The following MATN2 variants were observed in gnomAD, a reference collection of about 807,000 sequenced individuals.
MATN2 encodes matrilin 2, also known as matrilin-2.
MATN2 carries 69 observed loss-of-function variants against 103.2 expected under a neutral mutation model. The ratio of observed to expected loss-of-function variants is 0.67; its 90% confidence interval spans 0.55 to 0.82. The LOEUF is 0.82. MATN2 is among the 40% of genes least tolerant of loss of function. The pLI is 0.00. For synonymous variants in MATN2, 429 were observed against 450.2 expected (o/e 0.95, Z 0.60); for missense variants, 1,023 against 1,211.5 (o/e 0.84, Z 2.31).
intron 6 of MATN2, among the ~76,000 whole-genome samples, chr8:97,988,867 A>G (rs1387539387): frequency 6.6e-6 from 1 of 152,214 alleles, no homozygotes; most frequent in African/African-American, 2.4e-5. Flanking sequence ...CTGATACCCA[A>G]ACCAGAAAAG....
intron 8 of MATN2, 72 bp downstream of exon 8, chr8:98,003,855 C>A: frequency 6.3e-7 from 1 of 1,585,092 alleles, no homozygotes; most frequent in South Asian, 1.1e-5. Context: ...GGTTCACTAG[C>A]AACCAGTTAT....
chr8:97,994,607 G>A lies in MATN2; in HGVS notation c.1204+5G>A, dbSNP rs771464723. 3 of 1,608,962 alleles carry A rather than the reference G, an allele frequency of 1.9e-6. No homozygotes were observed. The highest frequency in any genetic ancestry group is 2.2e-5 in the South Asian group (2 of 89,672). On this transcript the variant is annotated splice_donor_5th_base_variant and intron_variant, in intron 7 of 18. Coordinates refer to ENST00000254898, the MANE Select transcript of MATN2 (RefSeq NM_002380.5). ...CAGATAAGAAAACCTGCAGAAGTAA[G>A]TTACAGTGGGAGTTGGAGAAGGGCT...
At chr8:98,033,232 C>A in intron 17 of MATN2, 56 bp downstream of exon 17, 2 of 1,460,072 alleles carry the variant, frequency 1.4e-6, no homozygotes, top group Non-Finnish European at 1.8e-6. Context: ...TTTCGGCTTG[C>A]CAACAACCTT....
At chr8:97,876,460 A>C (rs1020573707) in intron 1 of MATN2, among the ~76,000 whole-genome samples, 1 of 152,054 alleles carries the variant, frequency 6.6e-6, no homozygotes, top group Admixed American at 6.6e-5. Flanking sequence ...AAGTGCTGGG[A>C]TTACAAGCAT....
chr8:97,931,862 C>T lies in MATN2; in HGVS notation c.712+340C>T, dbSNP rs764117788. Among the ~76,000 whole-genome samples, 2 of 152,148 alleles carry T rather than the reference C, an allele frequency of 1.3e-5. No individual in the cohort carries two copies. Among genetic ancestry groups the T allele is most frequent in the African/African-American group, 4.8e-5 (2 of 41,438 alleles). On this transcript the variant is annotated intron_variant, in intron 3 of 18. Transcript: ENST00000254898. This position sits in a 1 kb window ranked among gnomAD's most constrained non-coding sequence, Gnocchi z 4.1. ...GGACTACAGGTGTGCACCACCATGC[C>T]TGGCTTATTTTTTAACTATTTGTAG...
chr8:97,931,123 G>A lies in MATN2; in HGVS notation c.313G>A (p.Val105Ile). ...GGGCCTGCTCCAATATGGCAGCACT[G>A]TCAAGAATGAGTTCTCCCTCAAGAC... ...RVGLLQYGSTVKNEFSLKTFK... is the reference protein window; with the variant it reads ...RVGLLQYGSTIKNEFSLKTFK... The change falls in exon 3 of 19, where the codon GTC becomes ATC. Residue 105 changes from valine (V) to isoleucine (I), a missense_variant. By Grantham distance (29) the Val-to-Ile change is conservative. Transcript: ENST00000254898. The surrounding 1 kb of genome is among the most constrained non-coding windows in gnomAD (Gnocchi z 4.1). The A allele has an allele frequency of 6.2e-7, 1 of 1,614,048 alleles. No homozygotes were observed. Among genetic ancestry groups the A allele is most frequent in the Non-Finnish European group, 8.5e-7 (1 of 1,179,894 alleles).
At chr8:97,941,177 AAAAAAAAAGAAAG>A (rs1810547766) in intron 3 of MATN2, among the ~76,000 whole-genome samples, 1 of 147,912 alleles carries the variant, frequency 6.8e-6, no homozygotes, top group Non-Finnish European at 1.5e-5. Context: ...AAAAAAAAAA[AAAAAAAAAGAAAG>A]AAAGAAAGAA....
rs1027832538 is a variant in MATN2 at position 97,982,033 on chromosome 8, A to G, written c.1081+3025A>G. ...CAAGATCCAGAAGTGGGCCGCCCCA[A>G]TGCGTGTGCAGGGAAGAGTGCTGGG... is the stretch of plus-strand genomic sequence containing the variant. On this transcript the variant is annotated intron_variant, in intron 6 of 18. Coordinates refer to ENST00000254898, the MANE Select transcript of MATN2 (RefSeq NM_002380.5). The surrounding 1 kb of genome is among the most constrained non-coding windows in gnomAD (Gnocchi z 4.3). Among the ~76,000 whole-genome samples, 22 of 152,218 alleles carry G rather than the reference A, an allele frequency of 1.4e-4. No homozygotes were observed. The highest frequency in any genetic ancestry group is 2.2e-4 in the Non-Finnish European group (15 of 68,038).
At chr8:97,996,716 G>A (rs1317432112) in intron 7 of MATN2, among the ~76,000 whole-genome samples, 1 of 152,108 alleles carries the variant, frequency 6.6e-6, no homozygotes, top group Admixed American at 6.6e-5. Flanking sequence ...AGCTGTAAAC[G>A]GAAGCGAGTG....
At chr8:97,988,780 T>A (rs1812288875) in intron 6 of MATN2, among the ~76,000 whole-genome samples, 1 of 152,186 alleles carries the variant, frequency 6.6e-6, no homozygotes, top group South Asian at 2.1e-4. Flanking sequence ...AAACTCATAC[T>A]AATTCTACAC....
At chr8:97,998,628 C>T (rs917866394) in intron 7 of MATN2, among the ~76,000 whole-genome samples, 4 of 149,460 alleles carry the variant, frequency 2.7e-5, no homozygotes, top group South Asian at 2.1e-4. Flanking sequence ...GCTGCTGAAG[C>T]GAGAGCTTCA....
chr8:98,033,821 T>TAA, intron 18 of MATN2, 162 bp downstream of exon 18: 1 of 578,320 alleles, frequency 1.7e-6, no homozygotes, highest in Non-Finnish European at 3.0e-6. Context: ...GCCTCACAGG[T>TAA]GTTTGAGAGG....
chr8:97,876,128 C>G (rs944905387), intron 1 of MATN2, among the ~76,000 whole-genome samples: 3 of 152,074 alleles, frequency 2.0e-5, no homozygotes, highest in African/African-American at 7.2e-5. Flanking sequence ...CCTCCCACCT[C>G]AGCCTCCCGA....
intron 2 of MATN2, among the ~76,000 whole-genome samples, chr8:97,913,172 C>G (rs1001414374): frequency 9.9e-5 from 15 of 151,996 alleles, no homozygotes; most frequent in Admixed American, 9.8e-4. Flanking sequence ...TTGGGGTTCC[C>G]CAATTCTTAC....
rs1436935939 is a variant in MATN2, at chr8:98,005,191, C to T, written c.1327+1408C>T. 3.3e-5 allele frequency among the ~76,000 whole-genome samples: 5 copies of T among 152,188 alleles called. No homozygotes were observed. Among genetic ancestry groups the T allele is most frequent in the African/African-American group, 1.2e-4 (5 of 41,436 alleles). ...TCCAGTGTCCAGAGAGAACAAAGTG[C>T]CCGGTAAAGGCTTTCTAAGGACTGA... On this transcript the variant is annotated intron_variant, in intron 8 of 18. Transcript: ENST00000254898. This position sits in a 1 kb window ranked among gnomAD's most constrained non-coding sequence, Gnocchi z 4.6.
At chr8:98,017,846 C>A in intron 11 of MATN2, 148 bp from the exon 12 acceptor site, 1 of 792,662 alleles carries the variant, frequency 1.3e-6, no homozygotes, top group Non-Finnish European at 2.0e-6. Context: ...AAACTTTGTT[C>A]TCAATTGTAA....
intron 2 of MATN2, among the ~76,000 whole-genome samples, chr8:97,920,133 G>A (rs1270333652): frequency 6.6e-6 from 1 of 152,210 alleles, no homozygotes; most frequent in Non-Finnish European, 1.5e-5. Flanking sequence ...TGACCCTTGG[G>A]ATGGTGGCTT....
intron 5 of MATN2, among the ~76,000 whole-genome samples, chr8:97,963,187 G>A (rs1811369643): frequency 6.6e-6 from 1 of 152,192 alleles, no homozygotes; most frequent in Admixed American, 6.5e-5. Flanking sequence ...ACAAAATGAG[G>A]TCACACTGTC....
chr8:97,947,423 G>A (rs1810789804), intron 4 of MATN2, among the ~76,000 whole-genome samples: 1 of 152,116 alleles, frequency 6.6e-6, no homozygotes, highest in South Asian at 2.1e-4. Context: ...AATGTTGCAA[G>A]ATAAAAAGTC....
Sources: gnomAD v4.1 joint callset for allele counts (sites outside exome capture counted in the v4.1 genomes callset) on GRCh38, gnomAD v4.1.1 for gene constraint, Gnocchi (gnomAD v3.1) non-coding constraint, MANE v1.5 for transcripts, NCBI Gene and HGNC (gene_info 2026-07-23, HGNC 2026-07-21) for gene names.